SDHAF2: variants seen among roughly 807,000 people sequenced by gnomAD.
The protein encoded by SDHAF2 is succinate dehydrogenase assembly factor 2, mitochondrial.
A neutral mutation model predicts 18.5 loss-of-function variants in SDHAF2; 21 were observed. The ratio of observed to expected loss-of-function variants is 1.13; its 90% CI spans 0.80 to 1.63. The LOEUF (loss-of-function observed/expected upper bound fraction) is 1.63, where lower values mean the gene tolerates loss of function less well. SDHAF2 is among the 40% of genes most tolerant of loss of function. The pLI is 0.00. For missense variants in SDHAF2, 195 were observed against 200.3 expected (o/e 0.97, Z 0.16); for synonymous variants, 84 against 70.7 (o/e 1.19, Z -0.94).
Position 61,446,254 on chromosome 11 carries a change from T to C in SDHAF2, c.*183T>C, listed in dbSNP as rs1006255939. On this transcript the variant is annotated 3_prime_UTR_variant, in exon 4 of 4. Coordinates refer to ENST00000301761, the MANE Select transcript of SDHAF2 (RefSeq NM_017841.4). ...CATGTAAATGCACAATGTGACTCAT[T>C]CTCATACTTTTTTGTTCAGCTCTGA... The C allele has an allele frequency of 4.3e-6, 3 of 693,166 alleles. No homozygotes were observed. The highest frequency in any genetic ancestry group is 1.8e-5 in the African/African-American group (1 of 56,608). The allele number at this position is 693,166 out of a possible 1,614,324, so 42.9% of individuals were successfully genotyped here.
At chr11:61,434,410 C>T (rs1204820634) in intron 1 of SDHAF2, 1 of 152,136 alleles carries the variant, frequency 6.6e-6, no homozygotes, top group African/African-American at 2.4e-5. Flanking sequence ...CTCCTTACCT[C>T]AGGTGATCCG....
intron 3 of SDHAF2, among the ~76,000 whole-genome samples, chr11:61,441,865 T>C (rs1476235161): frequency 6.8e-6 from 1 of 147,798 alleles, no homozygotes; most frequent in Non-Finnish European, 1.5e-5. Flanking sequence ...TCTCTTCAAA[T>C]TCCGCCCCCC....
At chr11:61,442,201 C>T (rs1862075988) in intron 3 of SDHAF2, among the ~76,000 whole-genome samples, 1 of 152,130 alleles carries the variant, frequency 6.6e-6, no homozygotes, top group South Asian at 2.1e-4. Context: ...CCAGATTTTC[C>T]ATTTTGGAAG....
Position 61,446,009 on chromosome 11 carries a change from A to C in SDHAF2, c.439A>C (p.Lys147Gln). ...CCTGCTGAGAGACTTTGCTAAAAACAAAAACAAAGAGCAGAGACTGCGTGC... is the reference window on the plus strand; with the variant it reads ...CCTGCTGAGAGACTTTGCTAAAAACCAAAACAAAGAGCAGAGACTGCGTGC... ...MALLRDFAKN[K>Q]NKEQRLRAPD... is the part of the protein sequence containing the mutation. The change falls in exon 4 of 4, where the codon AAA becomes CAA. Residue 147 changes from lysine to glutamine, a missense_variant. By Grantham distance (53) the Lys-to-Gln change is moderately conservative. Coordinates refer to ENST00000301761, the MANE Select transcript of SDHAF2 (RefSeq NM_017841.4). The C allele has an allele frequency of 6.2e-7, 1 of 1,614,218 alleles. No individual in the cohort carries two copies. The highest frequency in any genetic ancestry group is 8.5e-7 in the Non-Finnish European group (1 of 1,180,036).
intron 1 of SDHAF2, chr11:61,435,788 G>C (rs908703449): frequency 6.6e-6 from 1 of 152,242 alleles, no homozygotes; most frequent in Non-Finnish European, 1.5e-5. Context: ...CCCCAAGCTG[G>C]GCAAGACAGA....
intron 1 of SDHAF2, 35 bp downstream of exon 1, chr11:61,430,217 G>A: frequency 6.2e-7 from 1 of 1,613,884 alleles, no homozygotes; most frequent in Non-Finnish European, 8.5e-7. Flanking sequence ...TCCGGGGCGG[G>A]CGGCAGCGGG....
intron 3 of SDHAF2, among the ~76,000 whole-genome samples, chr11:61,441,646 T>G (rs1233701057): frequency 6.6e-6 from 1 of 152,140 alleles, no homozygotes; most frequent in Non-Finnish European, 1.5e-5. Context: ...AATCAGTGAT[T>G]GCCAGGGTGT....
intron 1 of SDHAF2, chr11:61,431,680 G>A (rs888098404): frequency 6.6e-6 from 1 of 151,772 alleles, no homozygotes; most frequent in Non-Finnish European, 1.5e-5. Context: ...ATGTCTTTTG[G>A]TTGGGGAGGT....
Position 61,446,050 on chromosome 11 carries a change from C to A in SDHAF2, c.480C>A (p.Tyr160Ter), listed in dbSNP as rs1862133697. Reference sequence around the variant, plus strand: ...GACTGCGTGCCCCAGATCTTGAGTACCTCTTTGAAAAGCCACGTTGAGCTG... The same window carrying A: ...GACTGCGTGCCCCAGATCTTGAGTAACTCTTTGAAAAGCCACGTTGAGCTG... ...EQRLRAPDLE[Y>*]LFEKPR The change falls in exon 4 of 4, where the codon TAC becomes TAA. Residue 160 changes from tyrosine (Y) to a stop codon, truncating the protein, a stop_gained. Transcript: ENST00000301761. LOFTEE classifies it high-confidence loss of function. The A allele has an allele frequency of 6.2e-7, 1 of 1,614,138 alleles. No individual in the cohort carries two copies. The highest frequency in any genetic ancestry group is 8.5e-7 in the Non-Finnish European group (1 of 1,180,032).
intron 1 of SDHAF2, 26 bp downstream of exon 1, chr11:61,430,208 C>A (rs200214953): frequency 1.2e-6 from 2 of 1,614,064 alleles, no homozygotes; most frequent in Non-Finnish European, 1.7e-6. Context: ...GTTCTAGCGT[C>A]CGGGGCGGGC....
chr11:61,436,291 G>C (rs575039709), intron 1 of SDHAF2, among the ~76,000 whole-genome samples: 2 of 152,140 alleles, frequency 1.3e-5, no homozygotes, highest in Admixed American at 6.5e-5. Flanking sequence ...CTTAGAGACA[G>C]AAACCAGTCC....
chr11:61,442,566 A>G (rs1463946866), intron 3 of SDHAF2, among the ~76,000 whole-genome samples: 2 of 152,010 alleles, frequency 1.3e-5, no homozygotes, highest in Non-Finnish European at 2.9e-5. Context: ...GGCATTTGAT[A>G]TTTATCGTGC....
intron 1 of SDHAF2, chr11:61,431,852 G>A: frequency 6.6e-6 from 1 of 152,400 alleles, no homozygotes; most frequent in Admixed American, 6.5e-5. Context: ...CACCACGCCT[G>A]GCTAATTTTT....
At chr11:61,432,661 T>C (rs1861946994) in intron 1 of SDHAF2, 2 of 151,054 alleles carry the variant, frequency 1.3e-5, no homozygotes, top group African/African-American at 2.4e-5. Flanking sequence ...TGCTCCTCTT[T>C]TCCACTCTTG....
chr11:61,430,206 G>A (rs1209351811), intron 1 of SDHAF2, 24 bp downstream of exon 1: 2 of 1,614,110 alleles, frequency 1.2e-6, no homozygotes, highest in South Asian at 1.1e-5. Flanking sequence ...ACGTTCTAGC[G>A]TCCGGGGCGG....
At chr11:61,443,611 C>G (rs1320575003) in intron 3 of SDHAF2, among the ~76,000 whole-genome samples, 1 of 152,158 alleles carries the variant, frequency 6.6e-6, no homozygotes, top group African/African-American at 2.4e-5. Context: ...TTACTAGTGT[C>G]TAGCGTTAAC....
At chr11:61,430,890 CT>C (rs1481154504) in intron 1 of SDHAF2, 1 of 151,414 alleles carries the variant, frequency 6.6e-6, no homozygotes, top group East Asian at 1.9e-4. Flanking sequence ...GGGACTCGAT[CT>C]TTATTCTTTT....
Position 61,442,646 on chromosome 11 carries a change from GT to G in SDHAF2, c.371-3293del, listed in dbSNP as rs1862082963. 2.0e-5 allele frequency among the ~76,000 whole-genome samples: 3 copies of G among 152,124 alleles called. No homozygotes were observed. In the South Asian group the frequency reaches 6.2e-4, roughly 31 times the overall value. ...TATTATTGTTGAAAAATTCTCAGCT[GT>G]TACCCCTTCAGCTATTTCTTCTGCT... On this transcript the variant is annotated intron_variant, in intron 3 of 3. Coordinates refer to ENST00000301761, the MANE Select transcript of SDHAF2 (RefSeq NM_017841.4).
At chr11:61,443,399 T>G (rs1231102440) in intron 3 of SDHAF2, among the ~76,000 whole-genome samples, 1 of 152,238 alleles carries the variant, frequency 6.6e-6, no homozygotes, top group African/African-American at 2.4e-5. Flanking sequence ...TCCCTCAGTC[T>G]GCTTCTGTTG....
Sources: gnomAD v4.1 joint callset for allele counts (sites outside exome capture counted in the v4.1 genomes callset) on GRCh38, gnomAD v4.1.1 for gene constraint, MANE v1.5 for transcripts, NCBI Gene and HGNC (gene_info 2026-07-23, HGNC 2026-07-21) for gene names.